SDK1: variants seen among roughly 807,000 people sequenced by gnomAD.
SDK1 encodes sidekick cell adhesion molecule 1.
Under a neutral mutation model 245.5 loss-of-function variants are expected in SDK1, and 157 were observed. The observed-to-expected ratio is 0.64, with a 90% confidence interval of 0.56 to 0.73. The LOEUF is 0.73. Among genes scored for constraint, SDK1 ranks in the 30% least tolerant of loss-of-function variants. The pLI is 0.00. For synonymous variants in SDK1, 1,647 were observed against 1,278.5 expected, an observed-to-expected ratio of 1.29 and a Z score of -6.15; for missense variants, 3,583 against 3,002.3, an observed-to-expected ratio of 1.19 and a Z score of -4.52.
intron 1 of SDK1, among the ~76,000 whole-genome samples, chr7:3,616,455 C>T (rs1218904850): frequency 3.3e-5 from 5 of 152,182 alleles, no homozygotes; most frequent in African/African-American, 4.8e-5. Flanking sequence ...TTCACTCTTT[C>T]GTACTGCCCA....
intron 4 of SDK1, among the ~76,000 whole-genome samples, chr7:3,791,553 T>C (rs1037877334): frequency 6.6e-6 from 1 of 152,120 alleles, no homozygotes; most frequent in Non-Finnish European, 1.5e-5. Context: ...ATGTGGTTGC[T>C]GCCTGGCCTT....
chr7:3,698,458 G>A (rs1397019108), intron 4 of SDK1, among the ~76,000 whole-genome samples: 2 of 152,238 alleles, frequency 1.3e-5, no homozygotes, highest in Non-Finnish European at 2.9e-5. Flanking sequence ...GAGGCCTAGT[G>A]GAGAATCAGG....
At chr7:4,089,240 A>G (rs13236488) in intron 22 of SDK1, among the ~76,000 whole-genome samples, 35,720 of 151,974 alleles carry the variant, frequency 0.24, 4,727 homozygotes, top group African/African-American at 0.34. Flanking sequence ...TGAGACCCTC[A>G]TGGGCATCTG....
intron 1 of SDK1, among the ~76,000 whole-genome samples, chr7:3,510,286 A>G (rs1413735016): frequency 1.3e-5 from 2 of 152,206 alleles, no homozygotes; most frequent in Non-Finnish European, 2.9e-5. Context: ...CTAGGAAAGC[A>G]GTGTCTGAAT....
intron 4 of SDK1, among the ~76,000 whole-genome samples, chr7:3,667,651 C>T (rs1280880585): frequency 1.3e-5 from 2 of 152,160 alleles, no homozygotes; most frequent in Non-Finnish European, 2.9e-5. Context: ...GTTTTCTGTC[C>T]CTATAGTTTT....
chr7:3,911,877 T>C (rs551046455), intron 5 of SDK1, among the ~76,000 whole-genome samples: 10 of 152,232 alleles, frequency 6.6e-5, no homozygotes, highest in Non-Finnish European at 2.9e-5. Flanking sequence ...GGTGCAAATA[T>C]GTGACCTGAG....
intron 1 of SDK1, among the ~76,000 whole-genome samples, chr7:3,365,768 C>T (rs888582896): frequency 6.6e-6 from 1 of 152,022 alleles, no homozygotes; most frequent in Non-Finnish European, 1.5e-5. Flanking sequence ...CGTGGTGGCT[C>T]ATGCCTGTAG....
Position 4,201,652 on chromosome 7 carries a change from GCT to G in SDK1, c.5099-4225_5099-4224del, listed in dbSNP as rs759107260. On this transcript the variant is annotated intron_variant, in intron 35 of 44. Transcript: ENST00000404826. ...CAGATGCCTGGCATGGCACAGGGAG[GCT>G]CCGGTGACAGGAGGCGCCTGGCGTG... is the stretch of plus-strand genomic sequence containing the variant. 1.8e-3 allele frequency among the ~76,000 whole-genome samples: 273 copies of G among 152,344 alleles called. 1 individual carries two copies. The highest frequency in any genetic ancestry group is 6.8e-3 in the Middle Eastern group (2 of 294).
At chr7:3,439,957 A>G (rs1009301249) in intron 1 of SDK1, among the ~76,000 whole-genome samples, 1 of 152,094 alleles carries the variant, frequency 6.6e-6, no homozygotes, top group African/African-American at 2.4e-5. Context: ...TTATAGCTCT[A>G]TGGAGATATA....
At chr7:4,023,817 G>A (rs1406094599) in intron 17 of SDK1, among the ~76,000 whole-genome samples, 1 of 152,228 alleles carries the variant, frequency 6.6e-6, no homozygotes, top group Non-Finnish European at 1.5e-5. Context: ...AAAGACACAG[G>A]AAGAAAGAAT....
At chr7:3,327,951 C>G (rs1048821389) in intron 1 of SDK1, among the ~76,000 whole-genome samples, 2 of 152,020 alleles carry the variant, frequency 1.3e-5, no homozygotes, top group South Asian at 2.1e-4. Flanking sequence ...TTTTGATACC[C>G]TATCACTATG....
chr7:4,001,042 A>G (rs1785038707), intron 14 of SDK1, among the ~76,000 whole-genome samples: 1 of 152,114 alleles, frequency 6.6e-6, no homozygotes, highest in Admixed American at 6.5e-5. Context: ...TGGCTCCCAC[A>G]TCCTTGGTTG....
chr7:3,990,926 G>A (rs7804507), intron 14 of SDK1, among the ~76,000 whole-genome samples: 10 of 152,136 alleles, frequency 6.6e-5, no homozygotes, highest in Admixed American at 2.0e-4. Context: ...AGCAGGTTTC[G>A]TGTGTAACTA....
intron 40 of SDK1, among the ~76,000 whole-genome samples, chr7:4,232,407 C>CTTTTT (rs201396862): frequency 0.055 from 3,962 of 71,820 alleles, 134 homozygotes; most frequent in Non-Finnish European, 0.073. Flanking sequence ...CTTTTCTTTT[C>CTTTTT]TTTCTTTTTT....
In SDK1 at chr7:3,301,677, T is replaced by C. The variant is rs2128539271; in HGVS notation, c.91T>C (p.Ser31Pro). ...ERAGPGRPRG[S>P]PPGRARPSLA... is the part of the protein sequence containing the mutation. ...CGCGGGCCCCGGGCGGCCGCGGGGA[T>C]CCCCGCCCGGCCGCGCCCGCCCCTC... The change falls in exon 1 of 45, where the codon TCC becomes CCC. Residue 31 changes from serine to proline, a missense_variant. Transcript: ENST00000404826. The C allele has an allele frequency of 1.0e-6, 1 of 968,930 alleles. No homozygotes were observed. Among genetic ancestry groups the C allele is most frequent in the Non-Finnish European group, 1.2e-6 (1 of 821,674 alleles). 60.0% of individuals were successfully genotyped at this position (968,930 alleles called of 1,614,324 possible).
At chr7:4,025,026 A>T (rs1787226392) in intron 17 of SDK1, among the ~76,000 whole-genome samples, 1 of 111,038 alleles carries the variant, frequency 9.0e-6, no homozygotes. Flanking sequence ...TCACACACAC[A>T]CACACACACA....
At chr7:4,181,974 C>T (rs562393174) in intron 35 of SDK1, among the ~76,000 whole-genome samples, 14 of 152,262 alleles carry the variant, frequency 9.2e-5, no homozygotes, top group African/African-American at 2.6e-4. Context: ...GGCTGGAGTG[C>T]AATGGCATGA....
intron 19 of SDK1, among the ~76,000 whole-genome samples, chr7:4,064,722 T>C (rs977793372): frequency 6.6e-6 from 1 of 152,100 alleles, no homozygotes; most frequent in African/African-American, 2.4e-5. Context: ...TGGAATACTA[T>C]TCAGCCACAA....
chr7:3,638,716 A>C (rs1202677358), intron 2 of SDK1, among the ~76,000 whole-genome samples: 1 of 151,416 alleles, frequency 6.6e-6, no homozygotes, highest in Non-Finnish European at 1.5e-5. Flanking sequence ...GCACACCAGC[A>C]TGGCACATGT....
Sources: allele counts gnomAD v4.1 joint callset (sites outside exome capture counted in the v4.1 genomes callset), GRCh38; gene constraint gnomAD v4.1.1; transcripts MANE v1.5; gene names NCBI Gene and HGNC (gene_info 2026-07-23, HGNC 2026-07-21).